Variants in GSTZ1 observed in about 807,000 individuals in gnomAD.
GSTZ1 encodes glutathione S-transferase zeta 1, also known as maleylacetoacetate isomerase.
GSTZ1 carries 34 observed loss-of-function variants against 35.9 expected under a neutral mutation model. The observed-to-expected ratio is 0.95, with a 90% confidence interval of 0.72 to 1.26. GSTZ1 has a LOEUF of 1.26. GSTZ1 is among the 50% of genes most tolerant of loss of function. The pLI is 0.00. For synonymous variants in GSTZ1, 93 were observed against 101.2 expected, an observed-to-expected ratio of 0.92 and a Z score of 0.49; for missense variants, 263 against 271.7, an observed-to-expected ratio of 0.97 and a Z score of 0.23.
Position 77,321,876 on chromosome 14 carries a change from C to T in GSTZ1, c.15+693C>T, listed in dbSNP as rs567295680. 1.1e-4 allele frequency among the ~76,000 whole-genome samples: 17 copies of T among 149,146 alleles called. No individual in the cohort carries two copies. In the South Asian group the frequency reaches 2.3e-3, roughly 21 times the overall value. ...CCAGCCTGGGCGAAAGAGCGGGACTCCGGCTCAAAAAAAAAAAAAAAAGGC... is the reference window on the plus strand; with the variant it reads ...CCAGCCTGGGCGAAAGAGCGGGACTTCGGCTCAAAAAAAAAAAAAAAAGGC... On this transcript the variant is annotated intron_variant, in intron 1 of 8. Coordinates refer to ENST00000216465, the MANE Select transcript of GSTZ1 (RefSeq NM_145870.3).
At chr14:77,322,667 C>T (rs900566242) in intron 1 of GSTZ1, 22 of 985,286 alleles carry the variant, frequency 2.2e-5, no homozygotes, top group Non-Finnish European at 2.7e-5. Flanking sequence ...TCCTCCTCTT[C>T]GAAAGACACT....
chr14:77,324,850 T>G lies in GSTZ1; in HGVS notation c.16-20T>G. The G allele has an allele frequency of 6.2e-6, 10 of 1,613,342 alleles. No homozygotes were observed. The highest frequency in any genetic ancestry group is 8.5e-6 in the Non-Finnish European group (10 of 1,179,228). On this transcript the variant is annotated intron_variant, in intron 1 of 8. Transcript: ENST00000216465. ...CACCCAGCATGGGTTAACACGCGCCTTCATCCTCTCTCTCCTCAGCCCATC... is the reference window on the plus strand; with the variant it reads ...CACCCAGCATGGGTTAACACGCGCCGTCATCCTCTCTCTCCTCAGCCCATC...
rs1206493103 is a variant in GSTZ1, at chr14:77,321,435, G to T, written c.15+252G>T. ...CAGGGTGGAGTCGCTGTCCGGTCGC[G>T]CTTCACTTCTGCTCCGCCCTCCCTG... On this transcript the variant is annotated intron_variant, in intron 1 of 8. Transcript: ENST00000216465. 5 of 1,524,350 alleles carry T rather than the reference G, an allele frequency of 3.3e-6. No individual in the cohort carries two copies. In the Admixed American group the frequency reaches 5.9e-5, roughly 18 times the overall value. The allele number at this position is 1,524,350 out of a possible 1,614,324, so 94.4% of individuals were successfully genotyped here.
rs55940006 is a variant in GSTZ1 at position 77,329,663 on chromosome 14, C to T, written c.422-92C>T. 2.8e-3 allele frequency: 2,656 copies of T among 951,706 alleles called. 25 individuals are homozygous for T. The highest frequency in any genetic ancestry group is 0.017 in the Middle Eastern group (82 of 4,758). 59.0% of individuals were successfully genotyped at this position (951,706 alleles called of 1,614,324 possible). On this transcript the variant is annotated intron_variant, in intron 6 of 8. Transcript: ENST00000216465. ...ATGCCCAGTCTGTCACTCAGTTGGG[C>T]GCCCATTTCATAACTATGGAGGCCA...
chr14:77,326,585 G>A lies in GSTZ1; in HGVS notation c.68-253G>A, dbSNP rs1191900322. ...ATCCAGGGGGCATGAGGGCCCCATT[G>A]GGGGGGTCCAGATCTTGAGGTCTCT... is the stretch of plus-strand genomic sequence containing the variant. On this transcript the variant is annotated intron_variant, in intron 2 of 8. Transcript: ENST00000216465. 6.5e-6 allele frequency: 3 copies of A among 458,152 alleles called. No individual in the cohort carries two copies. In the East Asian group the frequency reaches 1.1e-4, roughly 16 times the overall value. 28.4% of individuals were successfully genotyped at this position (458,152 alleles called of 1,614,324 possible). A position where few individuals can be genotyped will look rare whatever the true frequency, so the allele number is the denominator to read the frequency against.
In GSTZ1 at chr14:77,329,812, G is replaced by A; in HGVS notation, c.474+5G>A. 6.2e-7 allele frequency: 1 copy of A among 1,611,330 alleles called. No individual in the cohort carries two copies. Among genetic ancestry groups the A allele is most frequent in the Non-Finnish European group, 8.5e-7 (1 of 1,177,396 alleles). ...ATATACTGTGTAGGAGACGAGGTAA[G>A]CTGTCCCCAGACCTCCCCAGGCCCA... On this transcript the variant is annotated splice_donor_5th_base_variant and intron_variant, in intron 7 of 8. Transcript: ENST00000216465.
chr14:77,324,502 T>C, intron 1 of GSTZ1: 2 of 1,026,002 alleles, frequency 1.9e-6, no homozygotes, highest in Non-Finnish European at 2.9e-6. Flanking sequence ...TAGCCCAGCT[T>C]CCCCATTGGC....
chr14:77,329,150 G>A lies in GSTZ1; in HGVS notation c.370G>A (p.Glu124Lys). 1.2e-6 allele frequency: 2 copies of A among 1,613,394 alleles called. No homozygotes were observed. Among genetic ancestry groups the A allele is most frequent in the Non-Finnish European group, 1.7e-6 (2 of 1,179,250 alleles). ...CCTGTCTGTCCTGAAGCAAGTGGGA[G>A]AGGAGATGCAGCTGACCTGGGCCCA... The part of the protein sequence containing the change: ...QNLSVLKQVG[E>K]EMQLTWAQNA... Residue 124 changes from glutamate (E) to lysine (K), a missense_variant, in exon 6 of 9, where the codon GAG (glutamate) becomes AAG (lysine). By Grantham distance (56) the Glu-to-Lys change is moderately conservative. Transcript: ENST00000216465.
chr14:77,321,706 A>C, intron 1 of GSTZ1: 1 of 236,490 alleles, frequency 4.2e-6, no homozygotes, highest in Non-Finnish European at 8.1e-6. Context: ...ACACGATGAA[A>C]CCCTGTCTCT....
chr14:77,331,090 C>T lies in GSTZ1; in HGVS notation c.546C>T (p.Pro182=), dbSNP rs750387579. 1.1e-5 allele frequency: 17 copies of T among 1,613,858 alleles called. No homozygotes were observed. In the African/African-American group the frequency reaches 1.7e-4, roughly 16 times the overall value. ...NAERFKVDLT[P]YPTISSINKR... is the part of the protein sequence containing the mutation. ...ACAGATTCAAGGTGGATCTCACCCC[C>T]TACCCTACCATCAGCTCCATCAACA... Residue 182 remains proline (P), a synonymous_variant, in exon 9 of 9, where the codon CCC becomes CCT. Coordinates refer to ENST00000216465, the MANE Select transcript of GSTZ1 (RefSeq NM_145870.3).
intron 1 of GSTZ1, chr14:77,323,315 TAAA>T (rs1892125960): frequency 6.6e-6 from 1 of 152,182 alleles, no homozygotes; most frequent in Non-Finnish European, 1.5e-5. Context: ...GTGTTGTATA[TAAA>T]ATATCATGAT....
chr14:77,328,970 T>C, intron 5 of GSTZ1, 153 bp from the exon 6 acceptor site: 4 of 501,874 alleles, frequency 8.0e-6, no homozygotes, highest in Non-Finnish European at 1.4e-5. Flanking sequence ...TCAGGGCCCT[T>C]GGTTGAAGGA....
chr14:77,327,849 C>A, intron 4 of GSTZ1, 63 bp from the exon 5 acceptor site: 1 of 1,551,024 alleles, frequency 6.4e-7, no homozygotes, highest in Non-Finnish European at 8.9e-7. Context: ...GTTTGCTGGC[C>A]CTGTCCCCTC....
At chr14:77,330,062 C>G in intron 7 of GSTZ1, 1 of 665,166 alleles carries the variant, frequency 1.5e-6, no homozygotes, top group South Asian at 1.6e-5. Flanking sequence ...CAAGGCAATC[C>G]ATCTTCTCTG....
chr14:77,324,650 C>T, intron 1 of GSTZ1: 1 of 1,496,324 alleles, frequency 6.7e-7, no homozygotes. Context: ...AGGCTAGCTG[C>T]CCCTTTGGGG....
At chr14:77,321,330 C>G (rs1345910684) in intron 1 of GSTZ1, 147 bp downstream of exon 1, 1 of 1,530,994 alleles carries the variant, frequency 6.5e-7, no homozygotes, top group Non-Finnish European at 8.8e-7. Context: ...TCTGCGCCTG[C>G]GTGCTGCGCG....
chr14:77,330,424 G>A (rs1892563858), intron 8 of GSTZ1, 65 bp downstream of exon 8: 1 of 1,297,646 alleles, frequency 7.7e-7, no homozygotes, highest in African/African-American at 1.5e-5. Flanking sequence ...CCACTCAGCT[G>A]GCGAGATAGC....
At chr14:77,323,457 A>G (rs2139565100) in intron 1 of GSTZ1, 1 of 152,172 alleles carries the variant, frequency 6.6e-6, no homozygotes, top group African/African-American at 2.4e-5. Context: ...AGCAATTCTC[A>G]TACCTCAGCC....
At position 77,330,380 on chromosome 14, in the gene GSTZ1, C is replaced by G. The variant is rs1892561163; in HGVS notation, c.524+21C>G. ...GAAAGGTAAGAGAGAGCCCCGCCAC[C>G]CTCCCTTCTCGTGGCTCTGCCCACA... On this transcript the variant is annotated intron_variant, in intron 8 of 8. Coordinates refer to ENST00000216465, the MANE Select transcript of GSTZ1 (RefSeq NM_145870.3). 9 of 1,594,848 alleles carry G rather than the reference C, an allele frequency of 5.6e-6. 1 individual carries two copies. Among genetic ancestry groups the G allele is most frequent in the South Asian group, 5.5e-5 (5 of 90,706 alleles).
Sources: allele counts gnomAD v4.1 joint callset (sites outside exome capture counted in the v4.1 genomes callset), GRCh38; gene constraint gnomAD v4.1.1; transcripts MANE v1.5; gene names NCBI Gene and HGNC (gene_info 2026-07-23, HGNC 2026-07-21).